The following PCDH7 variants were observed in gnomAD, a reference collection of about 807,000 sequenced individuals.
PCDH7 encodes the protein protocadherin 7.
A neutral mutation model predicts 58.9 loss-of-function variants in PCDH7; 17 were observed. The observed-to-expected ratio is 0.29, with a 90% CI of 0.20 to 0.43. The LOEUF is 0.43. Ranked by LOEUF, PCDH7 falls within the 20% of genes least tolerant of loss-of-function variation. The pLI is 1.00. For missense variants in PCDH7, 1,274 were observed against 1,441.0 expected, an observed-to-expected ratio of 0.88 and a Z score of 1.88; for synonymous variants, 664 against 616.4, an observed-to-expected ratio of 1.08 and a Z score of -1.14.
intron 3 of PCDH7, among the ~76,000 whole-genome samples, chr4:31,085,167 T>C (rs1712227281): frequency 6.6e-6 from 1 of 151,856 alleles, no homozygotes; most frequent in Non-Finnish European, 1.5e-5. Context: ...GGAGTGCCGA[T>C]TGGTCAGAGA....
chr4:30,937,497 C>T (rs546558753), intron 2 of PCDH7, among the ~76,000 whole-genome samples: 1 of 152,138 alleles, frequency 6.6e-6, no homozygotes, highest in South Asian at 2.1e-4. Flanking sequence ...ATTATGCCTG[C>T]CAATTGATCT....
At chr4:31,037,528 G>T (rs1256775206) in intron 3 of PCDH7, among the ~76,000 whole-genome samples, 1 of 152,128 alleles carries the variant, frequency 6.6e-6, no homozygotes, top group Non-Finnish European at 1.5e-5. Flanking sequence ...ATTGATGAGT[G>T]CCTTGAGAAT....
Position 30,823,309 on chromosome 4 carries a change from G to GA in PCDH7, c.71-96843dup, listed in dbSNP as rs1370621135. Among the ~76,000 whole-genome samples the GA allele has an allele frequency of 2.0e-5, 3 of 152,088 alleles. No homozygotes were observed. The East Asian group carries it at 5.8e-4, about 29-fold the overall frequency. ...TGTCCTTTGGTATTTCTCATAGCTT[G>GA]ACATGTAGCGGTAATGGTTCTATTA... On this transcript the variant is annotated intron_variant, in intron 1 of 3. Coordinates refer to the PCDH7 transcript ENST00000509759.
intron 1 of PCDH7, among the ~76,000 whole-genome samples, chr4:30,860,342 A>G (rs1447365): frequency 0.7 from 106,755 of 151,892 alleles, 37,863 homozygotes; most frequent in African/African-American, 0.81. Flanking sequence ...CCACTGAATT[A>G]GAAAAAGTCA....
intron 1 of PCDH7, among the ~76,000 whole-genome samples, chr4:30,816,777 A>C (rs1727729180): frequency 6.6e-6 from 1 of 152,206 alleles, no homozygotes; most frequent in Admixed American, 6.5e-5. Context: ...TTAGAAGGAA[A>C]ATAATAATAG....
intron 1 of PCDH7, among the ~76,000 whole-genome samples, chr4:30,781,033 A>G (rs904633645): frequency 6.6e-6 from 1 of 152,162 alleles, no homozygotes; most frequent in African/African-American, 2.4e-5. Flanking sequence ...ATTTCAAAAG[A>G]TAAATAAAAG....
downstream of PCDH7, among the ~76,000 whole-genome samples, chr4:30,737,636 T>G (rs534079438): frequency 3.3e-5 from 5 of 152,280 alleles, no homozygotes; most frequent in East Asian, 9.7e-4. Context: ...TACAATAATT[T>G]CAGATCAAGG....
At chr4:31,014,849 T>A (rs1174528742) in intron 3 of PCDH7, among the ~76,000 whole-genome samples, 3 of 152,178 alleles carry the variant, frequency 2.0e-5, no homozygotes, top group African/African-American at 7.2e-5. Flanking sequence ...CACTTGATTT[T>A]AAGTTCCTGC....
intron 3 of PCDH7, among the ~76,000 whole-genome samples, chr4:31,021,105 A>G (rs1395504275): frequency 1.3e-5 from 2 of 152,262 alleles, no homozygotes; most frequent in African/African-American, 4.8e-5. Context: ...TTTATAAGAT[A>G]AAACTGTGCA....
intron 3 of PCDH7, among the ~76,000 whole-genome samples, chr4:31,025,249 G>A (rs1478778463): frequency 1.3e-5 from 2 of 152,274 alleles, no homozygotes; most frequent in East Asian, 1.9e-4. Flanking sequence ...ATTGTCTCAC[G>A]TATAGGACAT....
At chr4:31,119,693 C>T (rs1717417866) in intron 3 of PCDH7, among the ~76,000 whole-genome samples, 1 of 152,104 alleles carries the variant, frequency 6.6e-6, no homozygotes, top group Admixed American at 6.5e-5. Flanking sequence ...TCCTTTACCC[C>T]TGGATTCTTT....
chr4:31,014,642 AC>A (rs1335248198), intron 3 of PCDH7, among the ~76,000 whole-genome samples: 3 of 152,230 alleles, frequency 2.0e-5, no homozygotes, highest in African/African-American at 7.2e-5. Flanking sequence ...AAATGAGAAT[AC>A]ATTTTTTTCT....
Position 31,073,675 on chromosome 4 carries a change from C to G in PCDH7, c.*8-68798C>G, listed in dbSNP as rs78233755. Among the ~76,000 whole-genome samples the G allele has an allele frequency of 4.9e-4, 74 of 152,254 alleles. 1 individual carries two copies. The highest frequency in any genetic ancestry group is 1.8e-3 in the African/African-American group (74 of 41,550). The stretch of plus-strand genomic sequence containing the variant: ...GCCTCTGCCCAACCACGGATCAAGA[C>G]TGAATACTAATCAATGATGTATAAT... On this transcript the variant is annotated intron_variant, in intron 3 of 3. Transcript: ENST00000509759.
chr4:30,805,621 A>G (rs920002813), intron 1 of PCDH7, among the ~76,000 whole-genome samples: 1 of 152,222 alleles, frequency 6.6e-6, no homozygotes, highest in African/African-American at 2.4e-5. Context: ...CTCTTCAGAA[A>G]CGTTTCTCAT....
exon 2 of PCDH7, chr4:30,920,292 C>A (rs1298790860): frequency 5.1e-6 from 7 of 1,367,404 alleles, no homozygotes; most frequent in Non-Finnish European, 6.9e-6. Flanking sequence ...AGACTGGGTG[C>A]GCTTCCACTC....
At chr4:30,725,401 A>G (rs1186734937) in intron 1 of PCDH7, 1 of 370,746 alleles carries the variant, frequency 2.7e-6, no homozygotes, top group East Asian at 1.6e-4. Flanking sequence ...TTTGGTATGC[A>G]TTATGATATA....
chr4:30,968,313 T>C (rs78787410), intron 3 of PCDH7, among the ~76,000 whole-genome samples: 1 of 45,586 alleles, frequency 2.2e-5, no homozygotes, highest in Non-Finnish European at 3.9e-5. Context: ...TATATATATA[T>C]ATACACTATA....
At chr4:30,950,110 C>T (rs1320613116) in intron 2 of PCDH7, 1 of 152,572 alleles carries the variant, frequency 6.6e-6, no homozygotes, top group Non-Finnish European at 1.5e-5. Flanking sequence ...TCCCCATCTC[C>T]CTTCCCCAGG....
chr4:30,959,451 A>G (rs1348913524), intron 3 of PCDH7, among the ~76,000 whole-genome samples: 2 of 152,154 alleles, frequency 1.3e-5, no homozygotes, highest in South Asian at 2.1e-4. Context: ...AAAAAGTACA[A>G]TTAAAAAGTA....
Sources: gnomAD v4.1 joint callset for allele counts (sites outside exome capture counted in the v4.1 genomes callset) on GRCh38, gnomAD v4.1.1 for gene constraint, MANE v1.5 for transcripts, NCBI Gene and HGNC (gene_info 2026-07-23, HGNC 2026-07-21) for gene names.